Variants in SPI1 observed in about 807,000 individuals in gnomAD.
SPI1 encodes the protein Spi-1 proto-oncogene.
A neutral mutation model predicts 30.7 loss-of-function variants in SPI1; 3 were observed. That is an observed-to-expected ratio of 0.10 (90% CI 0.04 to 0.25). The LOEUF (loss-of-function observed/expected upper bound fraction) is 0.25, where lower values mean the gene tolerates loss of function less well. Among genes scored for constraint, SPI1 ranks in the 10% least tolerant of loss-of-function variants. SPI1 has a pLI of 1.00. For synonymous variants in SPI1, 169 were observed against 157.1 expected, an observed-to-expected ratio of 1.08 and a Z score of -0.56; for missense variants, 261 against 371.5, an observed-to-expected ratio of 0.70 and a Z score of 2.45.
At chr11:47,373,646 A>G (rs925477459) in intron 2 of SPI1, among the ~76,000 whole-genome samples, 7 of 138,466 alleles carry the variant, frequency 5.1e-5, no homozygotes, top group Non-Finnish European at 1.1e-4. Context: ...AGACTGTCCT[A>G]AAAAAAAAAA....
rs2095941774 is a variant in SPI1 at position 47,375,960 on chromosome 11, C to A, written c.46-231G>T. Reference sequence around the variant, plus strand: ...GAGAGGTCAGAAGAGGACCAGGGTCCCCCTCTGCTGGGCTACTCCCCATAG... The same window carrying A: ...GAGAGGTCAGAAGAGGACCAGGGTCACCCTCTGCTGGGCTACTCCCCATAG... On this transcript the variant is annotated intron_variant, in intron 1 of 4. Transcript: ENST00000378538. This position sits in a 1 kb window ranked among gnomAD's most constrained non-coding sequence, Gnocchi z 4.2. Among the ~76,000 whole-genome samples, 1 of 151,904 alleles carries A rather than the reference C, an allele frequency of 6.6e-6. No homozygotes were observed. The highest frequency in any genetic ancestry group is 6.5e-5 in the Admixed American group (1 of 15,268).
Position 47,378,479 on chromosome 11 carries a change from C to G in SPI1, c.-126G>C, listed in dbSNP as rs2095945441. 2 of 1,010,700 alleles carry G rather than the reference C, an allele frequency of 2.0e-6. No individual in the cohort carries two copies. Among genetic ancestry groups the G allele is most frequent in the Non-Finnish European group, 3.0e-6 (2 of 676,088 alleles). 62.6% of individuals were successfully genotyped at this position (1,010,700 alleles called of 1,614,324 possible). ...CGGGTGCAGGGCTCAGGCCTGCCCC[C>G]TGAGCTACAGGAGCCCTGGGTGAGC... On this transcript the variant is annotated 5_prime_UTR_variant, in exon 1 of 5. Transcript: ENST00000378538.
intron 4 of SPI1, among the ~76,000 whole-genome samples, chr11:47,357,017 C>G (rs933776843): frequency 1.3e-5 from 2 of 151,594 alleles, no homozygotes; most frequent in African/African-American, 4.9e-5. Flanking sequence ...TCCTCACACA[C>G]CTCACACCAA....
At chr11:47,357,939 T>C (rs1454683073) in intron 4 of SPI1, among the ~76,000 whole-genome samples, 3 of 150,912 alleles carry the variant, frequency 2.0e-5, no homozygotes, top group South Asian at 2.1e-4. Flanking sequence ...TTCACACACA[T>C]GCACACCTGC....
intron 1 of SPI1, among the ~76,000 whole-genome samples, chr11:47,376,495 G>T (rs2095942472): frequency 6.6e-6 from 1 of 151,980 alleles, no homozygotes; most frequent in Non-Finnish European, 1.5e-5. Flanking sequence ...CGCATGGAGG[G>T]CCTTGATCCC....
At position 47,355,144 on chromosome 11, in the gene SPI1, G is replaced by T; in HGVS notation, c.*83C>A. 1 of 1,129,166 alleles carries T rather than the reference G, an allele frequency of 8.9e-7. No homozygotes were observed. The highest frequency in any genetic ancestry group is 1.1e-6 in the Non-Finnish European group (1 of 892,086). 69.9% of individuals were successfully genotyped at this position (1,129,166 alleles called of 1,614,324 possible). A position where few individuals can be genotyped will look rare whatever the true frequency, so the allele number is the denominator to read the frequency against. The stretch of plus-strand genomic sequence containing the variant: ...AGTCCTGCCTCTGGGCCCCGGGAGC[G>T]TCCTCCCTGTGTCCGGGCCGGGCGA... On this transcript the variant is annotated 3_prime_UTR_variant, in exon 5 of 5. Coordinates refer to ENST00000378538, the MANE Select transcript of SPI1 (RefSeq NM_003120.3).
chr11:47,367,114 G>A (rs1313710419), intron 2 of SPI1, among the ~76,000 whole-genome samples: 2 of 152,162 alleles, frequency 1.3e-5, no homozygotes, highest in African/African-American at 4.8e-5. Flanking sequence ...TGGCTAAGTG[G>A]ATGATTAGAT....
In SPI1 at chr11:47,355,338, G is replaced by A. The variant is rs1331389469; in HGVS notation, c.702C>T (p.Asn234=). The part of the protein sequence containing the change: ...TYQKMARALR[N]YGKTGEVKKV... ...TCTTGACCTCGCCCGTCTTGCCGTA[G>A]TTGCGCAGCGCGCGCGCCATCTTCT... Residue 234 remains asparagine (N), a synonymous_variant, in exon 5 of 5, where the codon AAC becomes AAT. Coordinates refer to ENST00000378538, the MANE Select transcript of SPI1 (RefSeq NM_003120.3). 5 of 1,613,184 alleles carry A rather than the reference G, an allele frequency of 3.1e-6. No homozygotes were observed. Among genetic ancestry groups the A allele is most frequent in the Non-Finnish European group, 4.2e-6 (5 of 1,179,566 alleles).
In SPI1 at chr11:47,375,572, T is replaced by G; in HGVS notation, c.142+61A>C. 1 of 1,298,806 alleles carries G rather than the reference T, an allele frequency of 7.7e-7. No homozygotes were observed. The highest frequency in any genetic ancestry group is 1.1e-6 in the Non-Finnish European group (1 of 893,596). The allele number at this position is 1,298,806 out of a possible 1,614,324, so 80.5% of individuals were successfully genotyped here. A position where few individuals can be genotyped will look rare whatever the true frequency, so the allele number is the denominator to read the frequency against. On this transcript the variant is annotated intron_variant, in intron 2 of 4. Coordinates refer to ENST00000378538, the MANE Select transcript of SPI1 (RefSeq NM_003120.3). This position sits in a 1 kb window ranked among gnomAD's most constrained non-coding sequence, Gnocchi z 4.2. The stretch of plus-strand genomic sequence containing the variant: ...GGGAATCATTTATTCTTTTTCTCTC[T>G]CCAGACCCCAGGAGCCCAGGCTGGG...
chr11:47,369,109 A>G (rs4752986), intron 2 of SPI1, among the ~76,000 whole-genome samples: 150,956 of 152,174 alleles, frequency 0.99, 74,875 homozygotes, highest in Middle Eastern at 1. Flanking sequence ...GAAATTAGCC[A>G]GGTGTGGTGG....
chr11:47,373,751 C>A (rs2095938879), intron 2 of SPI1, among the ~76,000 whole-genome samples: 1 of 152,076 alleles, frequency 6.6e-6, no homozygotes, highest in Non-Finnish European at 1.5e-5. Flanking sequence ...GGTGGAGTCT[C>A]TGGAGGAACT....
intron 1 of SPI1, among the ~76,000 whole-genome samples, chr11:47,376,671 C>G (rs1275269399): frequency 6.6e-6 from 1 of 151,848 alleles, no homozygotes; most frequent in African/African-American, 2.4e-5. Flanking sequence ...TCCCTCCTCC[C>G]TGTCCTCCTC....
In SPI1 at chr11:47,359,696, G is replaced by A; in HGVS notation, c.330+157C>T. On this transcript the variant is annotated intron_variant, in intron 3 of 4. Transcript: ENST00000378538. This position sits in a 1 kb window ranked among gnomAD's most constrained non-coding sequence, Gnocchi z 5.1. ...GGTGTGGGGTCATGAGGTCACTTGGGGGGTCAGGCGGCAGCCGTTGGAGCT... is the reference window on the plus strand; with the variant it reads ...GGTGTGGGGTCATGAGGTCACTTGGAGGGTCAGGCGGCAGCCGTTGGAGCT... Among the ~76,000 whole-genome samples, 1 of 152,052 alleles carries A rather than the reference G, an allele frequency of 6.6e-6. No homozygotes were observed. Among genetic ancestry groups the A allele is most frequent in the African/African-American group, 2.4e-5 (1 of 41,518 alleles).
At chr11:47,360,616 A>G (rs1007575580) in intron 2 of SPI1, among the ~76,000 whole-genome samples, 4 of 151,880 alleles carry the variant, frequency 2.6e-5, no homozygotes, top group Non-Finnish European at 5.9e-5. Flanking sequence ...TCATGAGGTC[A>G]GGAGATTGAG....
At chr11:47,356,839 C>A (rs1013468389) in intron 4 of SPI1, among the ~76,000 whole-genome samples, 16 of 151,084 alleles carry the variant, frequency 1.1e-4, no homozygotes, top group Non-Finnish European at 2.4e-4. Context: ...GTTACTCAGC[C>A]CCACACGCAC....
intron 2 of SPI1, among the ~76,000 whole-genome samples, chr11:47,365,997 C>T (rs1207664576): frequency 6.6e-6 from 1 of 152,164 alleles, no homozygotes; most frequent in African/African-American, 2.4e-5. Context: ...ACCCAGCCAA[C>T]ACTGAGAGAT....
rs1402830579 is a variant in SPI1 at position 47,359,270 on chromosome 11, G to A, written c.331-264C>T. On this transcript the variant is annotated intron_variant, in intron 3 of 4. Coordinates refer to ENST00000378538, the MANE Select transcript of SPI1 (RefSeq NM_003120.3). This position sits in a 1 kb window ranked among gnomAD's most constrained non-coding sequence, Gnocchi z 5.1. ...TCCTGGTTTAGGACTGTGGGCACCG[G>A]GGAAGTGGTGCCTTGTTCTCCTCCC... 6.6e-5 allele frequency among the ~76,000 whole-genome samples: 10 copies of A among 152,194 alleles called. No individual in the cohort carries two copies. Among genetic ancestry groups the A allele is most frequent in the Admixed American group, 6.5e-4 (10 of 15,280 alleles).
rs2095906661 is a variant in SPI1 at position 47,355,482 on chromosome 11, C to T, written c.558G>A (p.Lys186=). The T allele has an allele frequency of 1.2e-6, 2 of 1,613,128 alleles. No homozygotes were observed. The highest frequency in any genetic ancestry group is 2.7e-5 in the African/African-American group (2 of 74,856). ...CCTTGTCCACCCACCAGATGCTGTC[C>T]TTCATGTCGCCGCTGCGGAGCAGGT... ...LLDLLRSGDM[K]DSIWWVDKDK... The change falls in exon 5 of 5, where the codon AAG becomes AAA. Residue 186 remains lysine, a synonymous_variant. Transcript: ENST00000378538.
At chr11:47,356,594 CAT>C (rs1291319926) in intron 4 of SPI1, among the ~76,000 whole-genome samples, 2 of 151,336 alleles carry the variant, frequency 1.3e-5, no homozygotes, top group African/African-American at 2.4e-5. Flanking sequence ...CACCAGGTCT[CAT>C]AATCACACCT....
Sources: gnomAD v4.1 joint callset for allele counts (sites outside exome capture counted in the v4.1 genomes callset) on GRCh38, gnomAD v4.1.1 for gene constraint, Gnocchi (gnomAD v3.1) non-coding constraint, MANE v1.5 for transcripts, NCBI Gene and HGNC (gene_info 2026-07-23, HGNC 2026-07-21) for gene names.